PACRG: variants seen among roughly 807,000 people sequenced by gnomAD.
The protein encoded by PACRG is parkin coregulated gene protein.
Under a neutral mutation model 29.7 loss-of-function variants are expected in PACRG, and 29 were observed. The observed-to-expected ratio is 0.98, with a 90% CI of 0.73 to 1.33. The LOEUF (loss-of-function observed/expected upper bound fraction) is 1.33, where lower values mean the gene tolerates loss of function less well. Ranked by LOEUF, PACRG falls within the 40% of genes most tolerant of loss-of-function variation. PACRG has a pLI of 0.00. For missense variants in PACRG, 279 were observed against 316.2 expected (o/e 0.88, Z 0.89); for synonymous variants, 116 against 118.7 (o/e 0.98, Z 0.15).
intron 2 of PACRG, among the ~76,000 whole-genome samples, chr6:162,815,109 C>T (rs906371116): frequency 3.3e-5 from 5 of 152,164 alleles, no homozygotes; most frequent in Middle Eastern, 3.2e-3. Flanking sequence ...AAAAGGGCTT[C>T]TCTGCCTACA....
At chr6:162,865,368 C>A (rs1245193304) in intron 2 of PACRG, among the ~76,000 whole-genome samples, 1 of 152,140 alleles carries the variant, frequency 6.6e-6, no homozygotes, top group Admixed American at 6.5e-5. Flanking sequence ...GTATTACCTG[C>A]TGTTTTAGGA....
rs146337363 is a variant in PACRG at position 163,059,578 on chromosome 6, G to A, written c.292-2572G>A. ...TTTACCAGGAGGTTATAATAATGCT[G>A]AACCTCAGTGTGCCAAACAACAAAG... On this transcript the variant is annotated intron_variant, in intron 2 of 4. Transcript: ENST00000366888. 8.7e-4 allele frequency among the ~76,000 whole-genome samples: 133 copies of A among 152,304 alleles called. 2 individuals carry two copies. The East Asian group carries it at 0.013, about 15-fold the overall frequency.
intron 2 of PACRG, chr6:162,957,459 G>C: frequency 2.1e-6 from 1 of 484,044 alleles, no homozygotes; most frequent in Non-Finnish European, 4.0e-6. Context: ...CAGAGTTTTG[G>C]TGTTTTCCAC....
chr6:162,761,808 A>C (rs61150546), intron 1 of PACRG, among the ~76,000 whole-genome samples: 33,181 of 151,592 alleles, frequency 0.22, 4,364 homozygotes, highest in African/African-American at 0.34. Flanking sequence ...ATGGTGGTTC[A>C]CGCCTGTAAT....
intron 3 of PACRG, among the ~76,000 whole-genome samples, chr6:163,065,256 G>A (rs1436270637): frequency 6.6e-6 from 1 of 152,162 alleles, no homozygotes; most frequent in Non-Finnish European, 1.5e-5. Context: ...GGTTGGTGAT[G>A]GAGCATTGAT....
In PACRG at chr6:162,797,360, T is replaced by C. The variant is rs138299289; in HGVS notation, c.157-16787T>C. On this transcript the variant is annotated intron_variant, in intron 1 of 4. Coordinates refer to ENST00000366888, the MANE Select transcript of PACRG (RefSeq NM_001080379.2). ...CTAAAGGGCACTTTTCCTGGAAATA[T>C]ATACCTTGGCAAACCTTTTCTTATG... Among the ~76,000 whole-genome samples, 1,496 of 152,334 alleles carry C rather than the reference T, an allele frequency of 9.8e-3. 67 individuals are homozygous for C. Among genetic ancestry groups the C allele is most frequent in the Admixed American group, 0.075 (1,142 of 15,298 alleles).
chr6:162,740,454 G>C (rs1780492207), intron 1 of PACRG, among the ~76,000 whole-genome samples: 3 of 151,524 alleles, frequency 2.0e-5, no homozygotes, highest in Admixed American at 2.0e-4. Flanking sequence ...GGGACTACAG[G>C]CGCCCACCAC....
intron 2 of PACRG, among the ~76,000 whole-genome samples, chr6:162,880,602 A>T (rs1793750957): frequency 6.6e-6 from 1 of 152,226 alleles, no homozygotes; most frequent in African/African-American, 2.4e-5. Context: ...CTTTCAGGCA[A>T]CACTAAGTTA....
At chr6:163,129,350 A>C (rs1187405415) in intron 4 of PACRG, among the ~76,000 whole-genome samples, 1 of 152,174 alleles carries the variant, frequency 6.6e-6, no homozygotes, top group Non-Finnish European at 1.5e-5. Context: ...GTTTCTTGTG[A>C]CTTCATCCAT....
intron 4 of PACRG, among the ~76,000 whole-genome samples, chr6:163,224,376 A>G (rs1402766094): frequency 7.2e-6 from 1 of 139,736 alleles, no homozygotes. Context: ...CTCAAAAAAA[A>G]AAAAAAAAAA....
chr6:163,171,516 A>C (rs750430587), intron 4 of PACRG, among the ~76,000 whole-genome samples: 1 of 152,242 alleles, frequency 6.6e-6, no homozygotes, highest in Non-Finnish European at 1.5e-5. Context: ...CCATGACCAC[A>C]CAACTATCTG....
chr6:162,813,377 T>A (rs982843310), intron 1 of PACRG, among the ~76,000 whole-genome samples: 3 of 152,062 alleles, frequency 2.0e-5, no homozygotes, highest in Non-Finnish European at 4.4e-5. Context: ...ATTTTCTAAA[T>A]AGTTTACTTA....
intron 1 of PACRG, among the ~76,000 whole-genome samples, chr6:162,774,413 A>G (rs1377416259): frequency 6.6e-6 from 1 of 152,196 alleles, no homozygotes; most frequent in African/African-American, 2.4e-5. Context: ...TTCATAAATC[A>G]GGAATAGTTA....
chr6:162,871,561 A>G (rs1423364055), intron 2 of PACRG, among the ~76,000 whole-genome samples: 1 of 152,222 alleles, frequency 6.6e-6, no homozygotes, highest in Non-Finnish European at 1.5e-5. Context: ...ATTCTCATAT[A>G]TATGTTTTCA....
At chr6:162,891,793 C>A (rs896576139) in intron 2 of PACRG, among the ~76,000 whole-genome samples, 2 of 152,130 alleles carry the variant, frequency 1.3e-5, no homozygotes, top group Non-Finnish European at 2.9e-5. Context: ...CAGTGTGGAC[C>A]TGTTTCGATG....
chr6:163,053,344 G>C (rs891602926), intron 2 of PACRG, among the ~76,000 whole-genome samples: 6 of 151,982 alleles, frequency 3.9e-5, no homozygotes, highest in African/African-American at 1.4e-4. Flanking sequence ...TCAAATTTTG[G>C]CTTTAATCTT....
intron 2 of PACRG, among the ~76,000 whole-genome samples, chr6:163,029,927 T>G (rs1807499377): frequency 6.6e-6 from 1 of 151,880 alleles, no homozygotes. Context: ...CAGGAGTAAA[T>G]GAGGAGCAGG....
chr6:163,109,933 T>A (rs974265621), intron 4 of PACRG, among the ~76,000 whole-genome samples: 1 of 152,222 alleles, frequency 6.6e-6, no homozygotes, highest in Non-Finnish European at 1.5e-5. Flanking sequence ...ATCAGTTTCA[T>A]GGAGATGGCA....
At chr6:163,025,647 T>G (rs1445423546) in intron 2 of PACRG, among the ~76,000 whole-genome samples, 1 of 152,232 alleles carries the variant, frequency 6.6e-6, no homozygotes, top group African/African-American at 2.4e-5. Flanking sequence ...AAACCCAGCA[T>G]AGTTAGGATT....
Sources: allele counts gnomAD v4.1 joint callset (sites outside exome capture counted in the v4.1 genomes callset), GRCh38; gene constraint gnomAD v4.1.1; transcripts MANE v1.5; gene names NCBI Gene and HGNC (gene_info 2026-07-23, HGNC 2026-07-21).